Variants in FAM124A observed in about 807,000 individuals in gnomAD.
FAM124A encodes the protein family with sequence similarity 124 member A.
In FAM124A, 23 loss-of-function variants were observed where a neutral mutation model predicts 24.5. That is an observed-to-expected ratio of 0.94 (90% CI 0.68 to 1.33). FAM124A has a LOEUF of 1.33. Among genes scored for constraint, FAM124A ranks in the 40% most tolerant of loss-of-function variants. The pLI, the probability that FAM124A is intolerant of heterozygous loss-of-function variation, is 0.00. For missense variants in FAM124A, 623 were observed against 722.8 expected (o/e 0.86, Z 1.58); for synonymous variants, 287 against 314.7 (o/e 0.91, Z 0.93).
intron 2 of FAM124A, among the ~76,000 whole-genome samples, chr13:51,235,789 G>T (rs1954429436): frequency 6.6e-6 from 1 of 152,226 alleles, no homozygotes. Context: ...TGAAGTGATA[G>T]AGGGCTTCTC....
chr13:51,232,779 AT>A (rs1954392211), intron 2 of FAM124A, among the ~76,000 whole-genome samples: 1 of 152,174 alleles, frequency 6.6e-6, no homozygotes, highest in Non-Finnish European at 1.5e-5. Flanking sequence ...CAGAGGCTAC[AT>A]TTCTTTTCAG....
intron 3 of FAM124A, among the ~76,000 whole-genome samples, chr13:51,253,945 C>A (rs73194193): frequency 2.0e-5 from 3 of 151,870 alleles, no homozygotes; most frequent in African/African-American, 7.3e-5. Flanking sequence ...TGCATTACCT[C>A]TCCCCCCAAG....
rs538263680 is a variant in FAM124A at position 51,280,513 on chromosome 13, C to T, written c.898C>T (p.Arg300Cys). Residue 300 changes from arginine to cysteine, a missense_variant, in exon 4 of 4, where the codon CGT becomes TGT. By Grantham distance (180) the Arg-to-Cys change is radical. Transcript: ENST00000322475. ...GRVHHASEKK[R>C]HSTPLPSTAV... ...AGTACATCATGCCTCCGAGAAGAAA[C>T]GTCATTCCACTCCTTTGCCGAGCAC... 12 of 1,613,934 alleles carry T rather than the reference C, an allele frequency of 7.4e-6. No homozygotes were observed. The Admixed American group carries it at 8.3e-5, about 11-fold the overall frequency.
At chr13:51,270,792 T>C (rs1954834051) in intron 3 of FAM124A, among the ~76,000 whole-genome samples, 1 of 152,250 alleles carries the variant, frequency 6.6e-6, no homozygotes, top group Non-Finnish European at 1.5e-5. Context: ...GTCTTTGTCC[T>C]GTGGGCGGTT....
intron 3 of FAM124A, among the ~76,000 whole-genome samples, chr13:51,266,518 G>GGACC (rs1398852368): frequency 6.6e-6 from 1 of 152,152 alleles, no homozygotes; most frequent in Non-Finnish European, 1.5e-5. Context: ...GAAGGTGATG[G>GGACC]GACCCATTAT....
At chr13:51,247,192 C>T (rs1210411734) in intron 2 of FAM124A, among the ~76,000 whole-genome samples, 3 of 152,294 alleles carry the variant, frequency 2.0e-5, no homozygotes, top group Admixed American at 6.5e-5. Context: ...AGGGGCCAGG[C>T]GGGAGCTGCC....
In FAM124A at chr13:51,231,378, C is replaced by G. The variant is rs1555272592; in HGVS notation, c.99C>G (p.Ser33Arg). 1 of 1,613,950 alleles carries G rather than the reference C, an allele frequency of 6.2e-7. No individual in the cohort carries two copies. The highest frequency in any genetic ancestry group is 2.2e-5 in the East Asian group (1 of 44,882). Residue 33 changes from serine (S) to arginine (R), a missense_variant and splice_region_variant, in exon 2 of 4, where the codon AGC becomes AGG. Physicochemically the swap from Ser to Arg is moderately radical, Grantham distance 110. Coordinates refer to ENST00000322475, the MANE Select transcript of FAM124A (RefSeq NM_001242312.2). ...GSDYSHLSST[S>R]SELSVEEAQD... ...ACTACAGCCACCTGTCCTCCACGAG[C>G]AGTAAGTATCTTTTAAACATCCTTC...
chr13:51,227,012 AC>A (rs1162564833), intron 1 of FAM124A, among the ~76,000 whole-genome samples: 1 of 152,142 alleles, frequency 6.6e-6, no homozygotes, highest in Non-Finnish European at 1.5e-5. Flanking sequence ...AGTGTCTAGA[AC>A]CCTTAGTACA....
intron 3 of FAM124A, among the ~76,000 whole-genome samples, chr13:51,275,929 G>C (rs956082418): frequency 6.6e-6 from 1 of 152,202 alleles, no homozygotes; most frequent in Non-Finnish European, 1.5e-5. Context: ...GGCCAAATGA[G>C]GCTTCACAGC....
At chr13:51,248,835 G>A (rs1040656837) in intron 2 of FAM124A, among the ~76,000 whole-genome samples, 1 of 152,170 alleles carries the variant, frequency 6.6e-6, no homozygotes, top group Non-Finnish European at 1.5e-5. Flanking sequence ...TACATAATAG[G>A]ATAAGGAACT....
At chr13:51,274,884 G>C (rs1255316421) in intron 3 of FAM124A, among the ~76,000 whole-genome samples, 1 of 152,162 alleles carries the variant, frequency 6.6e-6, no homozygotes, top group African/African-American at 2.4e-5. Flanking sequence ...AATTAACCCA[G>C]TTCCTCTAAA....
chr13:51,251,600 T>G lies in FAM124A; in HGVS notation c.233T>G (p.Leu78Arg), dbSNP rs756705676. The change falls in exon 3 of 4, where the codon CTG becomes CGG. Residue 78 changes from leucine to arginine, a missense_variant. By Grantham distance (102) the Leu-to-Arg change is moderately radical. Coordinates refer to ENST00000322475, the MANE Select transcript of FAM124A (RefSeq NM_001242312.2). This position sits in a 1 kb window ranked among gnomAD's most constrained non-coding sequence, Gnocchi z 5.3. Reference sequence around the variant, plus strand: ...GCGTGGATCCACCCCGACCTCCCGCTGTTCCGGGTGTCCGAGAGGCGGGCG... The same window carrying G: ...GCGTGGATCCACCCCGACCTCCCGCGGTTCCGGGTGTCCGAGAGGCGGGCG... ...VLAWIHPDLPLFRVSERRASR... is the reference protein window; with the variant it reads ...VLAWIHPDLPRFRVSERRASR... 1 of 1,570,994 alleles carries G rather than the reference T, an allele frequency of 6.4e-7. No homozygotes were observed. The highest frequency in any genetic ancestry group is 8.6e-7 in the Non-Finnish European group (1 of 1,156,102).
Position 51,222,582 on chromosome 13 carries a change from G to A in FAM124A, c.68+13G>A. ...CCGAGACCGGAGGGTGAGCCGCGCC[G>A]GGCCGGGCCGCGGGCGGGGGGCGCT... On this transcript the variant is annotated intron_variant, in intron 1 of 3. Coordinates refer to ENST00000322475, the MANE Select transcript of FAM124A (RefSeq NM_001242312.2). 8.2e-7 allele frequency: 1 copy of A among 1,222,556 alleles called. No individual in the cohort carries two copies. 75.7% of individuals were successfully genotyped at this position (1,222,556 alleles called of 1,614,324 possible). A position where few individuals can be genotyped will look rare whatever the true frequency, so the allele number is the denominator to read the frequency against.
chr13:51,279,374 C>T (rs768708028), intron 3 of FAM124A, among the ~76,000 whole-genome samples: 25 of 152,132 alleles, frequency 1.6e-4, no homozygotes, highest in African/African-American at 5.3e-4. Context: ...TGCTGGATGC[C>T]GAGAGCCCTT....
intron 3 of FAM124A, among the ~76,000 whole-genome samples, chr13:51,260,073 G>C (rs1229203539): frequency 6.6e-6 from 1 of 152,116 alleles, no homozygotes; most frequent in Non-Finnish European, 1.5e-5. Context: ...TCCGGGAGGA[G>C]GGCTCCTGGG....
chr13:51,249,759 T>C (rs1187471042), intron 2 of FAM124A, among the ~76,000 whole-genome samples: 1 of 152,234 alleles, frequency 6.6e-6, no homozygotes, highest in Middle Eastern at 3.2e-3. Context: ...TTTAGGCATA[T>C]ATCAGATTTA....
chr13:51,274,141 G>C (rs1038645795), intron 3 of FAM124A, among the ~76,000 whole-genome samples: 1 of 152,122 alleles, frequency 6.6e-6, no homozygotes, highest in Admixed American at 6.5e-5. Context: ...ATATACATCA[G>C]ATCAATATCC....
chr13:51,268,541 G>A (rs957982136), intron 3 of FAM124A, among the ~76,000 whole-genome samples: 2 of 152,180 alleles, frequency 1.3e-5, no homozygotes, highest in East Asian at 1.9e-4. Flanking sequence ...ATTAGGTCAG[G>A]TGTCTACCCC....
intron 3 of FAM124A, among the ~76,000 whole-genome samples, chr13:51,269,881 T>C (rs1954823073): frequency 6.6e-6 from 1 of 152,250 alleles, no homozygotes; most frequent in Admixed American, 6.5e-5. Flanking sequence ...TATCTGATTA[T>C]GTAAACCCCC....
Sources: gnomAD v4.1 joint callset for allele counts (sites outside exome capture counted in the v4.1 genomes callset) on GRCh38, gnomAD v4.1.1 for gene constraint, Gnocchi (gnomAD v3.1) non-coding constraint, MANE v1.5 for transcripts, NCBI Gene and HGNC (gene_info 2026-07-23, HGNC 2026-07-21) for gene names.